PTPRD: variants seen among roughly 807,000 people sequenced by gnomAD.
PTPRD encodes the protein receptor-type tyrosine-protein phosphatase delta.
Under a neutral mutation model 214.5 loss-of-function variants are expected in PTPRD, and 34 were observed. The observed-to-expected ratio is 0.16, with a 90% confidence interval of 0.12 to 0.21. The LOEUF is 0.21. Ranked by LOEUF, PTPRD falls within the 10% of genes least tolerant of loss-of-function variation. The probability of loss-of-function intolerance (pLI) is 1.00; values close to 1 mark genes in which losing one functional copy is unlikely to be tolerated. For missense variants in PTPRD, 2,545 were observed against 2,398.7 expected, an observed-to-expected ratio of 1.06 and a Z score of -1.27; for synonymous variants, 1,128 against 845.7, an observed-to-expected ratio of 1.33 and a Z score of -5.79.
rs1333849107 is a variant in PTPRD, at chr9:9,690,131, C to T, written c.-287+44402G>A. ...CCACATTGTATGGGGGTTCTCCTTT[C>T]TCTACATTCTCTCCAGCATTCGTTA... On this transcript the variant is annotated intron_variant, in intron 7 of 45. Transcript: ENST00000381196. Among the ~76,000 whole-genome samples, 6 of 151,946 alleles carry T rather than the reference C, an allele frequency of 3.9e-5. No homozygotes were observed. In the Admixed American group the frequency reaches 4.0e-4, roughly 10 times the overall value.
rs544937184 is a variant in PTPRD at position 9,611,232 on chromosome 9, A to T, written c.-286-36451T>A. On this transcript the variant is annotated intron_variant, in intron 7 of 45. Coordinates refer to ENST00000381196, the MANE Select transcript of PTPRD (RefSeq NM_002839.4). ...CTGCACATAAAGCCAGTAGCATCTG[A>T]TTATTTAATGATGACATATAAATAA... Among the ~76,000 whole-genome samples the T allele has an allele frequency of 4.6e-5, 7 of 152,324 alleles. No homozygotes were observed. The South Asian group carries it at 1.4e-3, about 32-fold the overall frequency.
chr9:8,932,838 A>C (rs1268902465), intron 11 of PTPRD, among the ~76,000 whole-genome samples: 1 of 151,984 alleles, frequency 6.6e-6, no homozygotes, highest in African/African-American at 2.4e-5. Context: ...GAGCTAGACC[A>C]CTTGGCTCCC....
chr9:9,669,754 C>G lies in PTPRD; in HGVS notation c.-287+64779G>C, dbSNP rs562648912. Among the ~76,000 whole-genome samples, 10 of 151,746 alleles carry G rather than the reference C, an allele frequency of 6.6e-5. No individual in the cohort carries two copies. The South Asian group carries it at 2.1e-3, about 32-fold the overall frequency. On this transcript the variant is annotated intron_variant, in intron 7 of 45. Transcript: ENST00000381196. ...ACATCATTTTTATAATTCAAAAGTCCCCATATAAAAATGTTTAAATATAAA... is the reference window on the plus strand; with the variant it reads ...ACATCATTTTTATAATTCAAAAGTCGCCATATAAAAATGTTTAAATATAAA...
chr9:10,023,043 AAAT>A (rs2154120708), intron 4 of PTPRD, among the ~76,000 whole-genome samples: 1 of 152,310 alleles, frequency 6.6e-6, no homozygotes, highest in South Asian at 2.1e-4. Context: ...GTTAAAATTA[AAAT>A]AATATTTTAC....
At chr9:10,267,322 T>C (rs868270807) in intron 3 of PTPRD, among the ~76,000 whole-genome samples, 3 of 152,116 alleles carry the variant, frequency 2.0e-5, no homozygotes, top group Non-Finnish European at 4.4e-5. Context: ...GCACTTAGTA[T>C]CTCAGGAACA....
At chr9:8,430,547 G>A (rs2132134958) in intron 35 of PTPRD, among the ~76,000 whole-genome samples, 1 of 152,170 alleles carries the variant, frequency 6.6e-6, no homozygotes, top group Non-Finnish European at 1.5e-5. Context: ...AAAGTGCTGG[G>A]ATTACAGGTG....
intron 2 of PTPRD, among the ~76,000 whole-genome samples, chr9:10,377,850 A>G (rs145007170): frequency 2.6e-5 from 4 of 152,136 alleles, no homozygotes; most frequent in Middle Eastern, 3.4e-3. Context: ...GGCTACTGTG[A>G]ACAGTGCTGC....
intron 4 of PTPRD, among the ~76,000 whole-genome samples, chr9:10,010,618 T>G (rs947818346): frequency 6.6e-6 from 1 of 151,798 alleles, no homozygotes; most frequent in African/African-American, 2.4e-5. Flanking sequence ...CAGTTAATGG[T>G]GGCTGGATTT....
At chr9:9,553,941 C>T (rs549573380) in intron 8 of PTPRD, among the ~76,000 whole-genome samples, 13 of 152,084 alleles carry the variant, frequency 8.5e-5, no homozygotes, top group African/African-American at 2.2e-4. Context: ...ACAAAGCTTA[C>T]ATATGTGAGC....
At chr9:9,978,137 CAT>C (rs1189349580) in intron 4 of PTPRD, among the ~76,000 whole-genome samples, 45 of 139,190 alleles carry the variant, frequency 3.2e-4, no homozygotes, top group African/African-American at 1.2e-3. Flanking sequence ...TGATTGGTAA[CAT>C]ATAAATGTGT....
chr9:9,240,542 G>A (rs369540794), intron 9 of PTPRD, among the ~76,000 whole-genome samples: 13 of 152,206 alleles, frequency 8.5e-5, no homozygotes, highest in African/African-American at 2.6e-4. Context: ...ATGGTGGCAC[G>A]TGCCTGTCAT....
At chr9:9,792,018 C>G (rs1251625937) in intron 5 of PTPRD, among the ~76,000 whole-genome samples, 1 of 152,038 alleles carries the variant, frequency 6.6e-6, no homozygotes, top group Non-Finnish European at 1.5e-5. Context: ...CAAATAAAAA[C>G]TTAAGTCTTA....
At chr9:9,394,138 C>A (rs531072173) in intron 9 of PTPRD, among the ~76,000 whole-genome samples, 28 of 152,090 alleles carry the variant, frequency 1.8e-4, no homozygotes, top group African/African-American at 6.5e-4. Flanking sequence ...TTTACATGTC[C>A]CTTTACATCA....
chr9:8,956,463 T>G (rs2099132261), intron 11 of PTPRD, among the ~76,000 whole-genome samples: 1 of 151,898 alleles, frequency 6.6e-6, no homozygotes, highest in South Asian at 2.1e-4. Context: ...TTCTTTCTTT[T>G]TTTTGTTTTA....
rs910052730 is a variant in PTPRD, at chr9:8,481,160, A to C, written c.3413+2959T>G. Among the ~76,000 whole-genome samples, 40 of 151,370 alleles carry C rather than the reference A, an allele frequency of 2.6e-4. No homozygotes were observed. The East Asian group carries it at 7.8e-3, about 29-fold the overall frequency. Reference sequence around the variant, plus strand: ...GTCTCAAAAAAAAAAAAAAAAAAAAAAAAAAATAAGAGTAGACAAATGTGA... The same window carrying C: ...GTCTCAAAAAAAAAAAAAAAAAAAACAAAAAATAAGAGTAGACAAATGTGA... On this transcript the variant is annotated intron_variant, in intron 30 of 45. Coordinates refer to ENST00000381196, the MANE Select transcript of PTPRD (RefSeq NM_002839.4).
At chr9:9,199,137 C>A (rs2099940401) in intron 9 of PTPRD, among the ~76,000 whole-genome samples, 1 of 152,038 alleles carries the variant, frequency 6.6e-6, no homozygotes, top group Non-Finnish European at 1.5e-5. Context: ...ACAATATCAT[C>A]CCCTAGGTAA....
At chr9:9,467,825 T>C (rs1029421277) in intron 8 of PTPRD, among the ~76,000 whole-genome samples, 2 of 152,056 alleles carry the variant, frequency 1.3e-5, no homozygotes, top group Non-Finnish European at 2.9e-5. Flanking sequence ...ATTACACAAA[T>C]ATCAAACCAC....
chr9:8,924,603 G>A (rs1423404796), intron 11 of PTPRD, among the ~76,000 whole-genome samples: 1 of 151,990 alleles, frequency 6.6e-6, no homozygotes, highest in African/African-American at 2.4e-5. Context: ...CACCTCCCTA[G>A]ACAGATGAGT....
intron 14 of PTPRD, 88 bp downstream of exon 14, chr9:8,633,229 T>C (rs2096308977): frequency 6.8e-7 from 1 of 1,478,730 alleles, no homozygotes; most frequent in South Asian, 1.3e-5. Context: ...TTAAGCACCA[T>C]CACAATGCTA....
Sources: allele counts gnomAD v4.1 joint callset (sites outside exome capture counted in the v4.1 genomes callset), GRCh38; gene constraint gnomAD v4.1.1; transcripts MANE v1.5; gene names NCBI Gene and HGNC (gene_info 2026-07-23, HGNC 2026-07-21).